GPR19: variants seen among roughly 807,000 people sequenced by gnomAD.
GPR19 encodes G protein-coupled receptor 19.
A neutral mutation model predicts 28.5 loss-of-function variants in GPR19; 14 were observed. The observed-to-expected ratio is 0.49, with a 90% CI of 0.32 to 0.77. The LOEUF (loss-of-function observed/expected upper bound fraction) is 0.77. GPR19 is among the 30% of genes least tolerant of loss of function. The pLI, the probability that GPR19 is intolerant of heterozygous loss-of-function variation, is 0.03. For synonymous variants in GPR19, 173 were observed against 184.1 expected (o/e 0.94, Z 0.49); for missense variants, 409 against 504.1 (o/e 0.81, Z 1.81).
chr12:12,678,832 T>A (rs139397698), intron 3 of GPR19, among the ~76,000 whole-genome samples: 1 of 152,336 alleles, frequency 6.6e-6, no homozygotes, highest in East Asian at 1.9e-4. Context: ...AGTCGCACTC[T>A]GTTACCAAGG....
rs750376381 is a variant in GPR19 at position 12,661,299 on chromosome 12, T to C, written c.1150A>G (p.Ile384Val). ...GAGTCATAGATCGAGTCTTTGGTAA[T>C]AGTTTTGGCCATGGAAGGGATTTCT... Reference protein sequence around the residue: ...ISEIPSMAKTITKDSIYDSFD... With the variant: ...ISEIPSMAKTVTKDSIYDSFD... The change falls in exon 4 of 4, where the codon ATT (isoleucine) becomes GTT (valine). Residue 384 changes from isoleucine to valine, a missense_variant. By Grantham distance (29) the Ile-to-Val change is conservative. Coordinates refer to ENST00000651487, the MANE Select transcript of GPR19 (RefSeq NM_006143.3). This position sits in a 1 kb window ranked among gnomAD's most constrained non-coding sequence, Gnocchi z 4.2. 3 of 1,613,976 alleles carry C rather than the reference T, an allele frequency of 1.9e-6. No homozygotes were observed. In the East Asian group the frequency reaches 6.7e-5, roughly 36 times the overall value.
At chr12:12,692,780 G>C (rs1056882706) in intron 2 of GPR19, among the ~76,000 whole-genome samples, 2 of 151,834 alleles carry the variant, frequency 1.3e-5, no homozygotes, top group African/African-American at 2.4e-5. Context: ...GCCTCCAGCA[G>C]CTGAAAAAGC....
chr12:12,707,989 C>CTTTTTTTTTTTTTTTTT, the GPR19 span, among the ~76,000 whole-genome samples: 2 of 62,442 alleles, frequency 3.2e-5, no homozygotes, highest in Non-Finnish European at 6.0e-5. Context: ...ATTTCCTATT[C>CTTTTTTTTTTTTTTTTT]TTTTTTTTTT....
At chr12:12,685,265 C>CTT (rs11412017) in intron 2 of GPR19, among the ~76,000 whole-genome samples, 9,362 of 139,992 alleles carry the variant, frequency 0.067, 398 homozygotes, top group East Asian at 0.2. Context: ...TAAATATGGT[C>CTT]TTTTTTTTTT....
chr12:12,715,669 G>A, the GPR19 span: 1 of 152,476 alleles, frequency 6.6e-6, no homozygotes. Context: ...CCCTGAACCA[G>A]TGAGAACCAT....
chr12:12,709,599 C>T, the GPR19 span, among the ~76,000 whole-genome samples: 1 of 152,196 alleles, frequency 6.6e-6, no homozygotes, highest in African/African-American at 2.4e-5. Flanking sequence ...GCCACCACAC[C>T]TGGTTAACTT....
the GPR19 span, chr12:12,716,933 G>A: frequency 1.0e-5 from 10 of 985,032 alleles, no homozygotes; most frequent in African/African-American, 1.7e-4. Context: ...GGGGCAGCTC[G>A]CCACCCCGGC....
chr12:12,676,328 G>A (rs1196253632), intron 3 of GPR19, among the ~76,000 whole-genome samples: 2 of 152,124 alleles, frequency 1.3e-5, no homozygotes, highest in African/African-American at 4.8e-5. Flanking sequence ...GATTTCTAAG[G>A]TCATTTCAGC....
intron 3 of GPR19, among the ~76,000 whole-genome samples, chr12:12,666,161 A>G (rs1417698616): frequency 6.6e-6 from 1 of 152,172 alleles, no homozygotes; most frequent in Non-Finnish European, 1.5e-5. Context: ...TTTTCCCCTC[A>G]GAAACATAGT....
chr12:12,662,424 T>C lies in GPR19; in HGVS notation c.25A>G (p.Asn9Asp), dbSNP rs770624718. 6.2e-7 allele frequency: 1 copy of C among 1,614,012 alleles called. No individual in the cohort carries two copies. The highest frequency in any genetic ancestry group is 1.1e-5 in the South Asian group (1 of 91,082). ...GGAATAATCAAATGTGGCTTGCTGTTATCCATTCTGTGAGCAAAAACCATA... is the reference window on the plus strand; with the variant it reads ...GGAATAATCAAATGTGGCTTGCTGTCATCCATTCTGTGAGCAAAAACCATA... MVFAHRMD[N>D]SKPHLIIPTL... Residue 9 changes from asparagine to aspartate, a missense_variant, in exon 4 of 4, where the codon AAC (asparagine) becomes GAC (aspartate). Asn to Asp is a conservative substitution (Grantham distance 23). Transcript: ENST00000651487.
chr12:12,667,496 G>C (rs929052404), intron 3 of GPR19, among the ~76,000 whole-genome samples: 6 of 152,010 alleles, frequency 3.9e-5, no homozygotes, highest in Admixed American at 3.9e-4. Context: ...TTCAAGACCA[G>C]CCTGGCCAAT....
chr12:12,713,854 G>A, the GPR19 span, among the ~76,000 whole-genome samples: 101 of 152,278 alleles, frequency 6.6e-4, no homozygotes, highest in Non-Finnish European at 1.2e-3. Flanking sequence ...TTCTCCATGA[G>A]GCCTTCCCTG....
At chr12:12,709,465 G>C in the GPR19 span, among the ~76,000 whole-genome samples, 8 of 152,254 alleles carry the variant, frequency 5.3e-5, no homozygotes, top group East Asian at 3.9e-4. Context: ...TTTTGAGACA[G>C]GGTCTCACTC....
chr12:12,668,721 C>T (rs1303776224), intron 3 of GPR19, among the ~76,000 whole-genome samples: 1 of 150,550 alleles, frequency 6.6e-6, no homozygotes, highest in Non-Finnish European at 1.5e-5. Context: ...TGGGAAGTAT[C>T]TGCTGGACCT....
intron 3 of GPR19, among the ~76,000 whole-genome samples, chr12:12,683,100 G>A (rs1453285199): frequency 1.3e-5 from 2 of 152,048 alleles, no homozygotes; most frequent in Admixed American, 6.6e-5. Flanking sequence ...GTGTTTCTAC[G>A]TTCGATTTTT....
At chr12:12,706,452 TGTTCTTATCTA>T in the GPR19 span, among the ~76,000 whole-genome samples, 1 of 152,208 alleles carries the variant, frequency 6.6e-6, no homozygotes, top group East Asian at 1.9e-4. Context: ...ACTCCCTTGG[TGTTCTTATCTA>T]GTCTCATAGC....
chr12:12,709,144 GA>G, the GPR19 span, among the ~76,000 whole-genome samples: 1 of 152,152 alleles, frequency 6.6e-6, no homozygotes, highest in Non-Finnish European at 1.5e-5. Flanking sequence ...CAAAGGGGGG[GA>G]AATTACTTTA....
chr12:12,688,054 T>C (rs933684896), intron 2 of GPR19, among the ~76,000 whole-genome samples: 6 of 152,204 alleles, frequency 3.9e-5, no homozygotes, highest in Non-Finnish European at 7.3e-5. Context: ...AGTGAAATAA[T>C]TGACTCAGGA....
chr12:12,680,986 G>T (rs917252962), intron 3 of GPR19, among the ~76,000 whole-genome samples: 1 of 152,148 alleles, frequency 6.6e-6, no homozygotes, highest in Non-Finnish European at 1.5e-5. Flanking sequence ...ACCATGCCTG[G>T]CCTAAGGTCT....
Sources: gnomAD v4.1 joint callset for allele counts (sites outside exome capture counted in the v4.1 genomes callset) on GRCh38, gnomAD v4.1.1 for gene constraint, Gnocchi (gnomAD v3.1) non-coding constraint, MANE v1.5 for transcripts, NCBI Gene and HGNC (gene_info 2026-07-23, HGNC 2026-07-21) for gene names.